Variants in MBP observed in about 807,000 individuals in gnomAD.
MBP encodes the protein Golli-MBP.
MBP carries 16 observed loss-of-function variants against 35.8 expected under a neutral mutation model. The ratio of observed to expected loss-of-function variants is 0.45; its 90% CI spans 0.30 to 0.68. The LOEUF (loss-of-function observed/expected upper bound fraction) is 0.68, where lower values mean the gene tolerates loss of function less well. Among genes scored for constraint, MBP ranks in the 30% least tolerant of loss-of-function variants. MBP has a pLI of 0.08. For missense variants in MBP, 380 were observed against 404.7 expected, an observed-to-expected ratio of 0.94 and a Z score of 0.52; for synonymous variants, 143 against 159.6, an observed-to-expected ratio of 0.90 and a Z score of 0.78.
Position 77,017,207 on chromosome 18 carries a change from G to A in MBP, c.201C>T (p.Ser67=). ...TSSQDTAVTD[S]KRTADPKNAW... Reference sequence around the variant, plus strand: ...CATTCTTCGGGTCCGCTGTGCGCTTGGAGTCAGTCACCGCTGTGTCCTGAG... The same window carrying A: ...CATTCTTCGGGTCCGCTGTGCGCTTAGAGTCAGTCACCGCTGTGTCCTGAG... The change falls in exon 4 of 9, where the codon TCC becomes TCT. Residue 67 remains serine, a synonymous_variant. Transcript: ENST00000355994. 6.5e-7 allele frequency: 1 copy of A among 1,529,468 alleles called. No homozygotes were observed. Among genetic ancestry groups the A allele is most frequent in the Non-Finnish European group, 8.8e-7 (1 of 1,139,188 alleles). 94.7% of individuals were successfully genotyped at this position (1,529,468 alleles called of 1,614,324 possible).
intron 3 of MBP, among the ~76,000 whole-genome samples, chr18:77,027,026 G>A (rs994857102): frequency 3.3e-5 from 5 of 152,174 alleles, no homozygotes; most frequent in Admixed American, 6.5e-5. Context: ...TTAGCCTGCC[G>A]TGAGTCGCCA....
At chr18:77,132,933 C>T (rs62104565), upstream of MBP, 34,989 of 151,870 alleles carry the variant, frequency 0.23, 4,150 homozygotes, top group Middle Eastern at 0.3. Context: ...GCTCGGAGGA[C>T]CCCGGGCCCG....
chr18:77,127,373 C>A (rs1977085308), intron 1 of MBP: 1 of 152,172 alleles, frequency 6.6e-6, no homozygotes, highest in Admixed American at 6.5e-5. Flanking sequence ...TCAACCTAAA[C>A]CTCACACCTC....
At chr18:77,035,027 G>A (rs867874990) in intron 3 of MBP, among the ~76,000 whole-genome samples, 14 of 152,164 alleles carry the variant, frequency 9.2e-5, no homozygotes, top group African/African-American at 3.1e-4. Flanking sequence ...TTCAATGTGC[G>A]GAGCCGGAGG....
rs892480717 is a variant in MBP at position 76,988,224 on chromosome 18, C to T, written c.750+271G>A. ...TCCCTGGGAGGGAGACCAGTCACGTCGCCTGGGAACCCTCTGGGAGAAGAG... is the reference window on the plus strand; with the variant it reads ...TCCCTGGGAGGGAGACCAGTCACGTTGCCTGGGAACCCTCTGGGAGAAGAG... On this transcript the variant is annotated intron_variant, in intron 7 of 8. Transcript: ENST00000355994. The surrounding 1 kb of genome is among the most constrained non-coding windows in gnomAD (Gnocchi z 5.2). 1.0e-5 allele frequency: 16 copies of T among 1,549,082 alleles called. No individual in the cohort carries two copies. The highest frequency in any genetic ancestry group is 3.9e-5 in the Admixed American group (2 of 50,980).
Position 76,979,631 on chromosome 18 carries a change from C to T in MBP, c.*796G>A. 2.7e-6 allele frequency: 1 copy of T among 364,962 alleles called. No individual in the cohort carries two copies. 22.6% of individuals were successfully genotyped at this position (364,962 alleles called of 1,614,324 possible). A position where few individuals can be genotyped will look rare whatever the true frequency, so the allele number is the denominator to read the frequency against. On this transcript the variant is annotated 3_prime_UTR_variant, in exon 9 of 9. Transcript: ENST00000355994. ...TAGAGGCTGCTCTGGGGCCACCATG[C>T]AGGGCAACGGTGACGTCCAGAGGCC...
At chr18:77,099,762 C>T (rs114541346) in intron 2 of MBP, among the ~76,000 whole-genome samples, 2,170 of 152,340 alleles carry the variant, frequency 0.014, 62 homozygotes, top group African/African-American at 0.047. Context: ...GGGAGATGAG[C>T]GCTCTGCAGA....
chr18:77,029,230 G>C (rs1017415626), intron 3 of MBP, among the ~76,000 whole-genome samples: 1 of 146,988 alleles, frequency 6.8e-6, no homozygotes, highest in African/African-American at 2.5e-5. Flanking sequence ...CCAACACAGC[G>C]AAACCCCGGC....
intron 1 of MBP, 33 bp from the exon 2 acceptor site, chr18:77,105,319 T>A: frequency 7.5e-7 from 1 of 1,334,534 alleles, no homozygotes; most frequent in Non-Finnish European, 1.1e-6. Context: ...CAGCCCTAAG[T>A]CTAGTGCTCT....
chr18:77,095,640 G>T (rs1203090192), intron 2 of MBP: 1 of 152,332 alleles, frequency 6.6e-6, no homozygotes, highest in Non-Finnish European at 1.5e-5. Context: ...ATTGGATTTG[G>T]AGGTTTGATG....
At chr18:77,106,532 C>T (rs566434680) in intron 1 of MBP, among the ~76,000 whole-genome samples, 1 of 152,242 alleles carries the variant, frequency 6.6e-6, no homozygotes, top group South Asian at 2.1e-4. Context: ...GGAAACCCCA[C>T]CCACCTTCAG....
intron 2 of MBP, among the ~76,000 whole-genome samples, chr18:77,092,219 A>G (rs1400685904): frequency 2.6e-5 from 4 of 152,262 alleles, no homozygotes; most frequent in Admixed American, 2.6e-4. Context: ...CGCCTCACAT[A>G]GGCCCAGGGC....
At chr18:76,985,873 G>T in intron 7 of MBP, 1 of 988,866 alleles carries the variant, frequency 1.0e-6, no homozygotes, top group East Asian at 1.1e-4. Context: ...GGAAGAGCAG[G>T]CCGCCCTGCC....
intron 3 of MBP, among the ~76,000 whole-genome samples, chr18:77,053,100 G>T (rs1973570915): frequency 6.6e-6 from 1 of 152,256 alleles, no homozygotes; most frequent in Non-Finnish European, 1.5e-5. Context: ...GGCCAGCGTG[G>T]CTGTCCCAGA....
intron 4 of MBP, among the ~76,000 whole-genome samples, chr18:77,011,088 CG>C (rs1485785220): frequency 6.6e-6 from 1 of 152,140 alleles, no homozygotes; most frequent in East Asian, 1.9e-4. Context: ...GTGAACACAC[CG>C]GGGTTTTCAG....
At chr18:77,021,584 C>T (rs1050427764) in intron 3 of MBP, among the ~76,000 whole-genome samples, 25 of 151,506 alleles carry the variant, frequency 1.7e-4, no homozygotes, top group Admixed American at 7.2e-4. Flanking sequence ...CCCGGGTTCA[C>T]GCCATTCTCC....
intron 2 of MBP, among the ~76,000 whole-genome samples, chr18:77,087,090 C>A (rs918967165): frequency 1.3e-5 from 2 of 151,762 alleles, no homozygotes; most frequent in Non-Finnish European, 2.9e-5. Flanking sequence ...AAAAAAAAAA[C>A]AACAACAACG....
At chr18:77,068,707 C>A (rs1028967615) in intron 2 of MBP, among the ~76,000 whole-genome samples, 4 of 152,148 alleles carry the variant, frequency 2.6e-5, no homozygotes, top group Non-Finnish European at 4.4e-5. Context: ...GTCACAGAGT[C>A]CCACGAAACA....
At chr18:77,038,970 A>G (rs745662837) in intron 3 of MBP, among the ~76,000 whole-genome samples, 2 of 152,228 alleles carry the variant, frequency 1.3e-5, no homozygotes, top group South Asian at 4.1e-4. Flanking sequence ...TCTGGCCCAT[A>G]TGTTTTTGTA....
Sources: allele counts gnomAD v4.1 joint callset (sites outside exome capture counted in the v4.1 genomes callset), GRCh38; gene constraint gnomAD v4.1.1; non-coding constraint Gnocchi (gnomAD v3.1); transcripts MANE v1.5; gene names NCBI Gene and HGNC (gene_info 2026-07-23, HGNC 2026-07-21).